DMD: variants seen among roughly 807,000 people sequenced by gnomAD.
DMD encodes the protein dystrophin, also known as mutant dystrophin.
A neutral mutation model predicts 330.1 loss-of-function variants in DMD; 63 were observed. The ratio of observed to expected loss-of-function variants is 0.19; its 90% CI spans 0.16 to 0.24. The LOEUF (loss-of-function observed/expected upper bound fraction) is 0.24, where lower values mean the gene tolerates loss of function less well. DMD is among the 10% of genes least tolerant of loss of function. The probability of loss-of-function intolerance (pLI) is 1.00; values close to 1 mark genes in which losing one functional copy is unlikely to be tolerated. For missense variants in DMD, 3,344 were observed against 2,684.1 expected, an observed-to-expected ratio of 1.25 and a Z score of -5.43; for synonymous variants, 1,223 against 959.8, an observed-to-expected ratio of 1.27 and a Z score of -5.07.
At chrX:31,588,224 C>A (rs1255176997) in intron 55 of DMD, among the ~76,000 whole-genome samples, 1 of 111,847 alleles carries the variant, frequency 8.9e-6, no homozygotes, top group Non-Finnish European at 1.9e-5. Context: ...GGAGAGACTG[C>A]CCCTCCCAGG....
chrX:32,635,588 A>G (rs1297103575), intron 11 of DMD, among the ~76,000 whole-genome samples: 2 of 112,522 alleles, frequency 1.8e-5, no homozygotes, highest in African/African-American at 6.5e-5. Flanking sequence ...GTTTTAATAT[A>G]GAAAAGCAAC....
At chrX:32,681,458 T>C (rs2062418035) in intron 9 of DMD, among the ~76,000 whole-genome samples, 1 of 111,843 alleles carries the variant, frequency 8.9e-6, no homozygotes, top group African/African-American at 3.3e-5. Context: ...AACTCTTCTA[T>C]TACGATGAGG....
chrX:32,392,273 T>A (rs1019106156), intron 30 of DMD, among the ~76,000 whole-genome samples: 1 of 111,289 alleles, frequency 9.0e-6, no homozygotes, highest in Non-Finnish European at 1.9e-5. Context: ...GTTATTTATG[T>A]TTTGAGATGG....
At chrX:32,716,327 T>A (rs2065720846) in intron 7 of DMD, among the ~76,000 whole-genome samples, 1 of 110,305 alleles carries the variant, frequency 9.1e-6, no homozygotes, top group East Asian at 2.9e-4. Flanking sequence ...GATCTGGTTG[T>A]TTAAAAGTGT....
intron 17 of DMD, among the ~76,000 whole-genome samples, chrX:32,533,919 G>C (rs1289971747): frequency 3.6e-5 from 4 of 111,452 alleles, no homozygotes; most frequent in African/African-American, 1.3e-4. Context: ...TCCAACCCGG[G>C]TTCCAAAAGG....
chrX:31,991,931 C>T (rs1051657239), intron 44 of DMD, among the ~76,000 whole-genome samples: 2 of 111,598 alleles, frequency 1.8e-5, no homozygotes, highest in Non-Finnish European at 3.8e-5. Context: ...TCTAAAGATA[C>T]GGCAGTGAGC....
At chrX:31,661,299 C>G (rs1050948645) in intron 53 of DMD, among the ~76,000 whole-genome samples, 7 of 111,691 alleles carry the variant, frequency 6.3e-5, no homozygotes, top group Non-Finnish European at 1.1e-4. Flanking sequence ...TCCCACTGAC[C>G]TTGACTGACA....
At chrX:31,323,898 A>G (rs1042355458) in intron 61 of DMD, among the ~76,000 whole-genome samples, 1 of 110,799 alleles carries the variant, frequency 9.0e-6, no homozygotes, top group Admixed American at 9.6e-5. Context: ...AAACATTTCC[A>G]CTGCTAAACC....
rs753774670 is a variant in DMD, at chrX:32,943,222, A to T, written c.93+76917T>A. On this transcript the variant is annotated intron_variant, in intron 2 of 78. Coordinates refer to ENST00000357033, the MANE Select transcript of DMD (RefSeq NM_004006.3). ...GAACTTATGAAGTAAAAATTACTTG[A>T]ATCATGTACAGATAATTTGATTAAA... Among the ~76,000 whole-genome samples the T allele has an allele frequency of 6.5e-4, 73 of 111,916 alleles. 2 individuals carry two copies. The highest frequency in any genetic ancestry group is 3.4e-3 in the Admixed American group (36 of 10,503).
chrX:31,940,922 A>G (rs747219430), intron 45 of DMD, among the ~76,000 whole-genome samples: 3 of 111,656 alleles, frequency 2.7e-5, no homozygotes, highest in Non-Finnish European at 3.8e-5. Context: ...CTATTCAGAG[A>G]TTCTATCTGG....
chrX:32,704,766 G>A (rs1052646967), intron 7 of DMD, among the ~76,000 whole-genome samples: 2 of 111,831 alleles, frequency 1.8e-5, no homozygotes, highest in Non-Finnish European at 3.8e-5. Context: ...TGGAAAGAAG[G>A]CACTTCTGGT....
At chrX:32,747,525 G>A (rs2070204729) in intron 7 of DMD, among the ~76,000 whole-genome samples, 1 of 111,783 alleles carries the variant, frequency 8.9e-6, no homozygotes, top group African/African-American at 3.3e-5. Flanking sequence ...CTGTTGTCCA[G>A]GCTCGAGTGC....
intron 11 of DMD, among the ~76,000 whole-genome samples, chrX:32,642,532 T>C (rs1569369758): frequency 8.9e-6 from 1 of 112,174 alleles, no homozygotes; most frequent in East Asian, 2.8e-4. Flanking sequence ...AGTCTAGGTG[T>C]CTGTCATCCT....
At chrX:32,147,157 G>A (rs1002912328) in intron 44 of DMD, among the ~76,000 whole-genome samples, 2 of 111,058 alleles carry the variant, frequency 1.8e-5, no homozygotes, top group African/African-American at 6.6e-5. Context: ...TAAACTCAAG[G>A]GCCCATATGG....
chrX:32,262,974 T>TCCCTCCCAGAGTAAATG (rs1467596017), intron 43 of DMD, among the ~76,000 whole-genome samples: 3 of 111,513 alleles, frequency 2.7e-5, no homozygotes, highest in African/African-American at 9.8e-5. Flanking sequence ...CTGCCTTTAC[T>TCCCTCCCAGAGTAAATG]CCCTCCCAGG....
intron 60 of DMD, among the ~76,000 whole-genome samples, chrX:31,416,874 A>G (rs2061898898): frequency 8.9e-6 from 1 of 112,233 alleles, no homozygotes; most frequent in African/African-American, 3.2e-5. Context: ...ATTTGGGGTA[A>G]GAGGGTCTTC....
At chrX:33,101,467 T>C (rs1190482334) in intron 1 of DMD, among the ~76,000 whole-genome samples, 2 of 111,421 alleles carry the variant, frequency 1.8e-5, no homozygotes, top group Non-Finnish European at 3.8e-5. Flanking sequence ...CCGTCTCTAC[T>C]AAAAAATACA....
chrX:32,388,341 CTTT>C (rs3044988), intron 32 of DMD, among the ~76,000 whole-genome samples: 1 of 78,568 alleles, frequency 1.3e-5, no homozygotes, highest in Non-Finnish European at 2.3e-5. Flanking sequence ...TTATGCTTTC[CTTT>C]TTTTTTTTTT....
intron 29 of DMD, among the ~76,000 whole-genome samples, chrX:32,424,436 T>C (rs1256783538): frequency 9.0e-6 from 1 of 111,537 alleles, no homozygotes; most frequent in African/African-American, 3.3e-5. Flanking sequence ...CAATGAAATA[T>C]TTTCAAGTAA....
Sources: gnomAD v4.1 joint callset for allele counts (sites outside exome capture counted in the v4.1 genomes callset) on GRCh38, gnomAD v4.1.1 for gene constraint, MANE v1.5 for transcripts, NCBI Gene and HGNC (gene_info 2026-07-23, HGNC 2026-07-21) for gene names.